The following ZNF586 variants were observed in gnomAD, a reference collection of about 807,000 sequenced individuals.
ZNF586 encodes zinc finger protein 586.
ZNF586 carries 7 observed loss-of-function variants against 6.7 expected under a neutral mutation model. The observed-to-expected ratio is 1.04, with a 90% CI of 0.59 to 1.95. The LOEUF (loss-of-function observed/expected upper bound fraction) is 1.95. Ranked by LOEUF, ZNF586 falls within the 30% of genes most tolerant of loss-of-function variation. The pLI, the probability that ZNF586 is intolerant of heterozygous loss-of-function variation, is 0.00. For synonymous variants in ZNF586, 166 were observed against 168.7 expected (o/e 0.98, Z 0.12); for missense variants, 442 against 489.6 (o/e 0.90, Z 0.92).
At chr19:57,774,029 A>G (rs1306266520) in intron 1 of ZNF586, among the ~76,000 whole-genome samples, 5 of 152,014 alleles carry the variant, frequency 3.3e-5, no homozygotes, top group African/African-American at 1.2e-4. Flanking sequence ...CAGCGTCGCC[A>G]ACATGATGAA....
In ZNF586 at chr19:57,773,674, A is replaced by G. The variant is rs1301584139; in HGVS notation, c.37-2869A>G. On this transcript the variant is annotated intron_variant, in intron 1 of 2. Coordinates refer to ENST00000396154, the MANE Select transcript of ZNF586 (RefSeq NM_017652.4). ...TGGCAAGTGACATAATGCTTCCAAG[A>G]AATGAATAGACTTGAGATGCATGCT... Among the ~76,000 whole-genome samples the G allele has an allele frequency of 2.0e-5, 3 of 152,214 alleles. 1 individual carries two copies. In the East Asian group the frequency reaches 5.8e-4, roughly 29 times the overall value.
intron 1 of ZNF586, among the ~76,000 whole-genome samples, chr19:57,775,216 C>T (rs1283368806): frequency 6.6e-6 from 1 of 152,090 alleles, no homozygotes; most frequent in African/African-American, 2.4e-5. Flanking sequence ...AGGATGGTCT[C>T]GATCTCCTGA....
Position 57,769,687 on chromosome 19 carries a change from C to A in ZNF586, c.-156C>A, listed in dbSNP as rs1987037014. On this transcript the variant is annotated 5_prime_UTR_variant, in exon 1 of 3. Coordinates refer to ENST00000396154, the MANE Select transcript of ZNF586 (RefSeq NM_017652.4). Reference sequence around the variant, plus strand: ...TGGCAGCCATTTTGGCCTGTCAGGTCCATCCGGCGATGCTGGGTCTGGACG... The same window carrying A: ...TGGCAGCCATTTTGGCCTGTCAGGTACATCCGGCGATGCTGGGTCTGGACG... 5 of 786,660 alleles carry A rather than the reference C, an allele frequency of 6.4e-6. No individual in the cohort carries two copies. Among genetic ancestry groups the A allele is most frequent in the Non-Finnish European group, 1.0e-5 (5 of 485,164 alleles). 48.7% of individuals were successfully genotyped at this position (786,660 alleles called of 1,614,324 possible). A position where few individuals can be genotyped will look rare whatever the true frequency, so the allele number is the denominator to read the frequency against.
intron 1 of ZNF586, among the ~76,000 whole-genome samples, chr19:57,774,101 C>T (rs751074992): frequency 6.6e-6 from 1 of 150,874 alleles, no homozygotes; most frequent in Non-Finnish European, 1.5e-5. Context: ...CCTGTAATCC[C>T]AGATATTCGG....
At chr19:57,772,069 G>A (rs1006837190) in intron 1 of ZNF586, among the ~76,000 whole-genome samples, 2 of 152,124 alleles carry the variant, frequency 1.3e-5, no homozygotes, top group African/African-American at 4.8e-5. Flanking sequence ...TGATCCACCC[G>A]CCTTGGCCTC....
At chr19:57,769,942 T>C in intron 1 of ZNF586, 64 bp downstream of exon 1, 1 of 1,127,466 alleles carries the variant, frequency 8.9e-7, no homozygotes, top group Non-Finnish European at 1.1e-6. Flanking sequence ...CCCCTGATCG[T>C]GAGGGCCGCC....
intron 1 of ZNF586, chr19:57,774,744 G>T (rs1026250495): frequency 1.8e-5 from 18 of 984,964 alleles, no homozygotes; most frequent in Non-Finnish European, 2.2e-5. Context: ...GGTAATTTTG[G>T]ATTCCTTTTT....
At chr19:57,772,636 G>A (rs1987124594) in intron 1 of ZNF586, among the ~76,000 whole-genome samples, 1 of 152,108 alleles carries the variant, frequency 6.6e-6, no homozygotes, top group Non-Finnish European at 1.5e-5. Flanking sequence ...TTATTTTAAA[G>A]AGTATTTATT....
chr19:57,775,058 G>A (rs1987197836), intron 1 of ZNF586, among the ~76,000 whole-genome samples: 1 of 150,612 alleles, frequency 6.6e-6, no homozygotes, highest in South Asian at 2.1e-4. Context: ...GGAGTACAGT[G>A]GCAGATCTCA....
At position 57,769,786 on chromosome 19, in the gene ZNF586, G is replaced by C. The variant is rs113005386; in HGVS notation, c.-57G>C. ...TCGGCGACGCCGCTGGTCGCGACCC[G>C]GGACAGGACAACGACAGGAACACCG... On this transcript the variant is annotated 5_prime_UTR_variant, in exon 1 of 3. Coordinates refer to ENST00000396154, the MANE Select transcript of ZNF586 (RefSeq NM_017652.4). The C allele has an allele frequency of 6.0e-5, 92 of 1,533,312 alleles. No individual in the cohort carries two copies. In the African/African-American group the frequency reaches 8.5e-4, roughly 14 times the overall value. The allele number at this position is 1,533,312 out of a possible 1,614,324, so 95.0% of individuals were successfully genotyped here.
Position 57,775,873 on chromosome 19 carries a change from A to G in ZNF586, c.37-670A>G, listed in dbSNP as rs769621870. On this transcript the variant is annotated intron_variant, in intron 1 of 2. Coordinates refer to ENST00000396154, the MANE Select transcript of ZNF586 (RefSeq NM_017652.4). ...CGCCTCGGCGTCCCAAATTACTGGG[A>G]TTACAGGCGTGCGCCACCGCGCCCG... Among the ~76,000 whole-genome samples the G allele has an allele frequency of 1.1e-4, 16 of 152,012 alleles. 1 individual carries two copies. The highest frequency in any genetic ancestry group is 1.6e-4 in the Non-Finnish European group (11 of 68,002).
chr19:57,777,927 TG>T (rs1244970500), intron 2 of ZNF586, among the ~76,000 whole-genome samples: 3 of 150,658 alleles, frequency 2.0e-5, no homozygotes, highest in Non-Finnish European at 4.4e-5. Context: ...GGCTAATTTT[TG>T]GGGTATTTTT....
At chr19:57,774,078 G>A (rs765870337) in intron 1 of ZNF586, among the ~76,000 whole-genome samples, 6 of 151,924 alleles carry the variant, frequency 3.9e-5, no homozygotes, top group Non-Finnish European at 8.8e-5. Context: ...AGTAGCTGAC[G>A]TGGTGGCAGG....
chr19:57,770,922 C>T (rs1437283475), intron 1 of ZNF586, among the ~76,000 whole-genome samples: 2 of 151,984 alleles, frequency 1.3e-5, no homozygotes, highest in African/African-American at 4.8e-5. Context: ...GCGATCACGG[C>T]GCAGCACGGC....
At chr19:57,775,991 G>T (rs905288544) in intron 1 of ZNF586, among the ~76,000 whole-genome samples, 2 of 152,196 alleles carry the variant, frequency 1.3e-5, no homozygotes, top group African/African-American at 4.8e-5. Flanking sequence ...TTTGATTAAT[G>T]AACTTTCGTG....
Position 57,779,916 on chromosome 19 carries a change from CTTCTTTACA to C in ZNF586, c.*122_*130del. ...GAATATTCTTTAGCTAGAATGCTAG[CTTCTTTACA>C]TAAAAGAGTGCTCCCACTGAAGAAG... On this transcript the variant is annotated 3_prime_UTR_variant, in exon 3 of 3. Transcript: ENST00000396154. The C allele has an allele frequency of 9.0e-6, 8 of 893,524 alleles. No homozygotes were observed. Among genetic ancestry groups the C allele is most frequent in the Non-Finnish European group, 1.3e-5 (8 of 597,064 alleles). The allele number at this position is 893,524 out of a possible 1,614,324, so 55.3% of individuals were successfully genotyped here.
In ZNF586 at chr19:57,769,885, G is replaced by C; in HGVS notation, c.36+7G>C. 1 of 1,539,012 alleles carries C rather than the reference G, an allele frequency of 6.5e-7. No homozygotes were observed. Among genetic ancestry groups the C allele is most frequent in the Non-Finnish European group, 8.8e-7 (1 of 1,142,054 alleles). On this transcript the variant is annotated splice_region_variant and intron_variant, in intron 1 of 2. Coordinates refer to ENST00000396154, the MANE Select transcript of ZNF586 (RefSeq NM_017652.4). ...TCTGAGGGCGCCTGCTCAGGTGAGCGCTGCGACCTCCGGGCCTTACCCACC... is the reference window on the plus strand; with the variant it reads ...TCTGAGGGCGCCTGCTCAGGTGAGCCCTGCGACCTCCGGGCCTTACCCACC...
chr19:57,779,811 A>G lies in ZNF586; in HGVS notation c.*15A>G. 6.4e-7 allele frequency: 1 copy of G among 1,557,532 alleles called. No individual in the cohort carries two copies. The highest frequency in any genetic ancestry group is 1.7e-4 in the Middle Eastern group (1 of 5,760). The stretch of plus-strand genomic sequence containing the variant: ...CTTATAAGTGAAGCAAATTTTGGAA[A>G]TTCTCTTGCCCAGGCTTTTTGCTCC... On this transcript the variant is annotated 3_prime_UTR_variant, in exon 3 of 3. Coordinates refer to ENST00000396154, the MANE Select transcript of ZNF586 (RefSeq NM_017652.4).
At chr19:57,770,157 CTTTTTT>C (rs56139513) in intron 1 of ZNF586, among the ~76,000 whole-genome samples, 3 of 128,202 alleles carry the variant, frequency 2.3e-5, no homozygotes, top group Admixed American at 8.3e-5. Flanking sequence ...GGAGTTATTT[CTTTTTT>C]TTTTTTTTTT....
Sources: allele counts gnomAD v4.1 joint callset (sites outside exome capture counted in the v4.1 genomes callset), GRCh38; gene constraint gnomAD v4.1.1; transcripts MANE v1.5; gene names NCBI Gene and HGNC (gene_info 2026-07-23, HGNC 2026-07-21).